MPC2: variants seen among roughly 807,000 people sequenced by gnomAD.
MPC2 encodes brain protein 44.
Under a neutral mutation model 19.2 loss-of-function variants are expected in MPC2, and 19 were observed. The observed-to-expected ratio is 0.99, with a 90% CI of 0.69 to 1.45. MPC2 has a LOEUF of 1.45. Among genes scored for constraint, MPC2 ranks in the 40% most tolerant of loss-of-function variants. The pLI is 0.00. For synonymous variants in MPC2, 61 were observed against 54.3 expected (o/e 1.12, Z -0.54); for missense variants, 122 against 153.0 (o/e 0.80, Z 1.07).
At chr1:167,936,629 C>T (rs1671254030) in intron 1 of MPC2, 1 of 373,616 alleles carries the variant, frequency 2.7e-6, no homozygotes, top group Non-Finnish European at 4.9e-6. Context: ...TCGCCTCCGC[C>T]TCCGCCTCCT....
At chr1:167,927,481 A>C (rs1054874438) in intron 2 of MPC2, among the ~76,000 whole-genome samples, 1 of 152,188 alleles carries the variant, frequency 6.6e-6, no homozygotes, top group Non-Finnish European at 1.5e-5. Flanking sequence ...TCGCTTCATC[A>C]ATCAAGAGTC....
chr1:167,925,458 T>TATAC (rs1670719411), intron 2 of MPC2, among the ~76,000 whole-genome samples: 3 of 113,722 alleles, frequency 2.6e-5, no homozygotes, highest in South Asian at 5.2e-4. Flanking sequence ...TATATATATA[T>TATAC]ATATATATAT....
chr1:167,932,987 T>C (rs1418053320), intron 2 of MPC2, among the ~76,000 whole-genome samples: 1 of 151,846 alleles, frequency 6.6e-6, no homozygotes, highest in Non-Finnish European at 1.5e-5. Context: ...TTTTTGTGAG[T>C]TGAGGAACTT....
intron 1 of MPC2, chr1:167,936,373 G>A (rs1364305341): frequency 2.3e-5 from 4 of 177,630 alleles, no homozygotes; most frequent in Non-Finnish European, 3.6e-5. Context: ...AGATGATGCC[G>A]CACAATTCTC....
At chr1:167,934,384 A>G (rs1671000809) in intron 2 of MPC2, among the ~76,000 whole-genome samples, 1 of 152,242 alleles carries the variant, frequency 6.6e-6, no homozygotes. Context: ...TATTACAAAA[A>G]GCATAGCTCA....
Position 167,924,539 on chromosome 1 carries a change from TG to T in MPC2, c.110-3del. On this transcript the variant is annotated splice_region_variant and splice_polypyrimidine_tract_variant and intron_variant, in intron 2 of 5. Coordinates refer to ENST00000271373, the MANE Select transcript of MPC2 (RefSeq NM_001143674.4). Reference sequence around the variant, plus strand: ...CCCAGAAGAAAACTGTTCTGGGACCTGAAAAAAAAAAGAAAAGAAAAATTCA... The same window carrying T: ...CCCAGAAGAAAACTGTTCTGGGACCTAAAAAAAAAAGAAAAGAAAAATTCA... The T allele has an allele frequency of 1.3e-6, 2 of 1,532,306 alleles. No individual in the cohort carries two copies. The highest frequency in any genetic ancestry group is 1.7e-6 in the Non-Finnish European group (2 of 1,144,764). The allele number at this position is 1,532,306 out of a possible 1,614,324, so 94.9% of individuals were successfully genotyped here.
At chr1:167,922,035 GAAC>G (rs1200080450) in intron 3 of MPC2, among the ~76,000 whole-genome samples, 2 of 152,110 alleles carry the variant, frequency 1.3e-5, no homozygotes, top group African/African-American at 4.8e-5. Context: ...TCATGTTATA[GAAC>G]ATATGTGGCT....
chr1:167,920,503 A>G lies in MPC2; in HGVS notation c.235+44T>C, dbSNP rs368145361. 68 of 1,589,044 alleles carry G rather than the reference A, an allele frequency of 4.3e-5. 1 individual carries two copies. The highest frequency in any genetic ancestry group is 4.9e-5 in the Non-Finnish European group (57 of 1,165,086). On this transcript the variant is annotated intron_variant, in intron 4 of 5. Transcript: ENST00000271373. ...ACTGATATAAAAGAAAACAAAAATC[A>G]TTTATGTTCTACAAGAAACACAGAA...
At chr1:167,925,090 C>T (rs1670699079) in intron 2 of MPC2, among the ~76,000 whole-genome samples, 1 of 152,050 alleles carries the variant, frequency 6.6e-6, no homozygotes. Context: ...GATGGTAATG[C>T]TACACATTCT....
rs570224417 is a variant in MPC2 at position 167,920,757 on chromosome 1, C to A, written c.151-126G>T. The A allele has an allele frequency of 2.6e-5, 24 of 912,908 alleles. No homozygotes were observed. The African/African-American group carries it at 2.9e-4, about 11-fold the overall frequency. 56.6% of individuals were successfully genotyped at this position (912,908 alleles called of 1,614,324 possible). The stretch of plus-strand genomic sequence containing the variant: ...AGCAGCTATAATTTTAGTGTCCATT[C>A]ATTAAGAAAATGTAGATTACAACAA... On this transcript the variant is annotated intron_variant, in intron 3 of 5. Transcript: ENST00000271373.
At position 167,918,317 on chromosome 1, in the gene MPC2, A is replaced by T. The variant is rs764070318; in HGVS notation, c.*6T>A. The T allele has an allele frequency of 6.4e-7, 1 of 1,564,858 alleles. No individual in the cohort carries two copies. On this transcript the variant is annotated 3_prime_UTR_variant, in exon 6 of 6. Coordinates refer to ENST00000271373, the MANE Select transcript of MPC2 (RefSeq NM_001143674.4). ...ATCTAGATTGTTCAGGTGATCAGGA[A>T]CTCTTTTATTTGTGTGCTTTAGCTT...
In MPC2 at chr1:167,920,059, A is replaced by G. The variant is rs1192436244; in HGVS notation, c.267T>C (p.Ile89=). 2 of 1,613,456 alleles carry G rather than the reference A, an allele frequency of 1.2e-6. No homozygotes were observed. Among genetic ancestry groups the G allele is most frequent in the East Asian group, 2.2e-5 (1 of 44,840 alleles). The part of the protein sequence containing the change: ...GFIWSRYSLV[I]IPKNWSLFAV... The stretch of plus-strand genomic sequence containing the variant: ...CAAACAGACTCCAATTTTTTGGAAT[A>G]ATTACAAGTGAGTATCTTGACCAAA... Residue 89 remains isoleucine (I), a synonymous_variant, in exon 5 of 6, where the codon ATT becomes ATC. Coordinates refer to ENST00000271373, the MANE Select transcript of MPC2 (RefSeq NM_001143674.4).
chr1:167,928,455 A>C (rs1239608092), intron 2 of MPC2, among the ~76,000 whole-genome samples: 1 of 152,218 alleles, frequency 6.6e-6, no homozygotes, highest in African/African-American at 2.4e-5. Context: ...ATGTCAAATA[A>C]AGCTAGACAG....
chr1:167,920,779 AC>A (rs1312172639), intron 3 of MPC2, 148 bp from the exon 4 acceptor site: 6 of 830,750 alleles, frequency 7.2e-6, no homozygotes, highest in Non-Finnish European at 1.1e-5. Context: ...GTAGATTACA[AC>A]AAAAAAAAAG....
intron 3 of MPC2, among the ~76,000 whole-genome samples, chr1:167,920,900 T>C (rs1192751835): frequency 6.6e-6 from 1 of 152,238 alleles, no homozygotes; most frequent in African/African-American, 2.4e-5. Flanking sequence ...GATGTATATG[T>C]ATGCATTACA....
At position 167,920,689 on chromosome 1, in the gene MPC2, A is replaced by G. The variant is rs559760388; in HGVS notation, c.151-58T>C. On this transcript the variant is annotated intron_variant, in intron 3 of 5. Coordinates refer to ENST00000271373, the MANE Select transcript of MPC2 (RefSeq NM_001143674.4). ...TCACAAATGTGGAGTAATAGTTTTA[A>G]CTTTAAATCAAGCACAAGACATTTT... The G allele has an allele frequency of 2.7e-6, 4 of 1,507,190 alleles. No individual in the cohort carries two copies. The African/African-American group carries it at 5.6e-5, about 21-fold the overall frequency. 93.4% of individuals were successfully genotyped at this position (1,507,190 alleles called of 1,614,324 possible).
intron 5 of MPC2, among the ~76,000 whole-genome samples, chr1:167,919,737 C>A (rs531435728): frequency 2.0e-5 from 3 of 152,030 alleles, no homozygotes; most frequent in African/African-American, 7.2e-5. Context: ...TACTGCTTAA[C>A]TGATTTTAGT....
rs758060310 is a variant in MPC2 at position 167,920,017 on chromosome 1, C to A, written c.309G>T (p.Val103=). The change falls in exon 5 of 6, where the codon GTG becomes GTT. Residue 103 remains valine, a synonymous_variant. Coordinates refer to ENST00000271373, the MANE Select transcript of MPC2 (RefSeq NM_001143674.4). Reference sequence around the variant, plus strand: ...AAAGCTGAGAGGCTCCTGCTGCCCCCACAAAGAAATTAACAGCAAACAGAC... The same window carrying A: ...AAAGCTGAGAGGCTCCTGCTGCCCCAACAAAGAAATTAACAGCAAACAGAC... ...NWSLFAVNFF[V]GAAGASQLFR... 1.7e-5 allele frequency: 28 copies of A among 1,613,388 alleles called. No individual in the cohort carries two copies. Among genetic ancestry groups the A allele is most frequent in the Non-Finnish European group, 2.4e-5 (28 of 1,179,742 alleles).
chr1:167,929,627 A>T (rs1233650701), intron 2 of MPC2, among the ~76,000 whole-genome samples: 1 of 152,158 alleles, frequency 6.6e-6, no homozygotes, highest in East Asian at 1.9e-4. Flanking sequence ...CTTACTTCCT[A>T]ATTTCCTTAT....
Sources: gnomAD v4.1 joint callset for allele counts (sites outside exome capture counted in the v4.1 genomes callset) on GRCh38, gnomAD v4.1.1 for gene constraint, MANE v1.5 for transcripts, NCBI Gene and HGNC (gene_info 2026-07-23, HGNC 2026-07-21) for gene names.